Variants in UNC13C observed in about 807,000 individuals in gnomAD.
UNC13C encodes protein unc-13 homolog C.
In UNC13C, 174 loss-of-function variants were observed where a neutral mutation model predicts 245.4. That is an observed-to-expected ratio of 0.71 (90% CI 0.63 to 0.80). The LOEUF is 0.80. Among genes scored for constraint, UNC13C ranks in the 30% least tolerant of loss-of-function variants. UNC13C has a pLI of 0.00. For missense variants in UNC13C, 2,829 were observed against 2,602.9 expected, an observed-to-expected ratio of 1.09 and a Z score of -1.89; for synonymous variants, 992 against 895.1, an observed-to-expected ratio of 1.11 and a Z score of -1.93.
chr15:54,532,971 A>T lies in UNC13C; in HGVS notation c.5601A>T (p.Gln1867His). The T allele has an allele frequency of 6.3e-7, 1 of 1,596,618 alleles. No homozygotes were observed. Among genetic ancestry groups the T allele is most frequent in the East Asian group, 2.2e-5 (1 of 44,458 alleles). Residue 1867 changes from glutamine (Q) to histidine (H), a missense_variant, in exon 26 of 33, where the codon CAA becomes CAT. Gln to His is a conservative substitution (Grantham distance 24). Transcript: ENST00000260323. ...AACAGATGAGTTTCGAACTAAATCAAATGAGAGCAAATGGAAACACCACAT... is the reference window on the plus strand; with the variant it reads ...AACAGATGAGTTTCGAACTAAATCATATGAGAGCAAATGGAAACACCACAT... Reference protein sequence around the residue: ...CIKQMSFELNQMRANGNTTSN... With the variant: ...CIKQMSFELNHMRANGNTTSN...
chr15:54,323,978 C>T (rs968089205), intron 14 of UNC13C, among the ~76,000 whole-genome samples: 1 of 151,946 alleles, frequency 6.6e-6, no homozygotes, highest in Non-Finnish European at 1.5e-5. Flanking sequence ...TTCATGTTGA[C>T]CCAAAGAAGA....
At chr15:54,203,839 T>TACATATACACAG (rs1287559062) in intron 4 of UNC13C, among the ~76,000 whole-genome samples, 4 of 149,716 alleles carry the variant, frequency 2.7e-5, no homozygotes, top group Non-Finnish European at 3.0e-5. Flanking sequence ...TATATACACA[T>TACATATACACAG]ACATATACAC....
chr15:54,251,032 AT>A (rs1386475858), intron 8 of UNC13C, among the ~76,000 whole-genome samples: 1 of 151,480 alleles, frequency 6.6e-6, no homozygotes, highest in Non-Finnish European at 1.5e-5. Flanking sequence ...TTGGGATTAC[AT>A]AGGCGTGAGC....
chr15:54,449,606 G>T (rs1891052003), intron 19 of UNC13C, among the ~76,000 whole-genome samples: 2 of 152,190 alleles, frequency 1.3e-5, no homozygotes, highest in Admixed American at 6.5e-5. Flanking sequence ...TAGTTCTCGA[G>T]CCATGGTTTT....
chr15:54,619,733 A>G (rs1267920373), intron 30 of UNC13C, among the ~76,000 whole-genome samples: 1 of 152,162 alleles, frequency 6.6e-6, no homozygotes, highest in African/African-American at 2.4e-5. Context: ...AGCCTATTTA[A>G]TCAACAAATA....
At chr15:54,114,644 C>G (rs2030095929) in intron 2 of UNC13C, among the ~76,000 whole-genome samples, 1 of 152,080 alleles carries the variant, frequency 6.6e-6, no homozygotes, top group African/African-American at 2.4e-5. Flanking sequence ...GCAAATAATG[C>G]AGTAAACATA....
At chr15:53,859,289 CT>C in the UNC13C span, among the ~76,000 whole-genome samples, 1 of 151,984 alleles carries the variant, frequency 6.6e-6, no homozygotes. Context: ...TCTTTTCAAA[CT>C]TTTTTCTTTG....
chr15:54,248,728 G>C (rs2036063668), intron 7 of UNC13C, among the ~76,000 whole-genome samples: 1 of 152,184 alleles, frequency 6.6e-6, no homozygotes, highest in South Asian at 2.1e-4. Flanking sequence ...CTCACTTGAA[G>C]TATAAAGAGC....
At chr15:54,200,922 G>A (rs184459939) in intron 4 of UNC13C, among the ~76,000 whole-genome samples, 11 of 152,120 alleles carry the variant, frequency 7.2e-5, no homozygotes, top group Admixed American at 7.2e-4. Context: ...TTAACTGTTA[G>A]TGAGATTAAC....
chr15:54,244,018 T>A (rs1005632240), intron 7 of UNC13C, among the ~76,000 whole-genome samples: 1 of 152,222 alleles, frequency 6.6e-6, no homozygotes, highest in Non-Finnish European at 1.5e-5. Flanking sequence ...TTTGTTGCAA[T>A]TGCTTTTGGC....
chr15:54,158,611 G>A (rs999754288), intron 4 of UNC13C, among the ~76,000 whole-genome samples: 11 of 151,998 alleles, frequency 7.2e-5, no homozygotes, highest in South Asian at 2.1e-4. Context: ...GAGCCACTGC[G>A]CTTGGCCTAC....
the UNC13C span, among the ~76,000 whole-genome samples, chr15:53,843,539 G>T: frequency 6.6e-6 from 1 of 151,864 alleles, no homozygotes; most frequent in East Asian, 1.9e-4. Context: ...TTTTTTATAA[G>T]CAATTAATCA....
At chr15:53,893,693 C>T in the UNC13C span, among the ~76,000 whole-genome samples, 10 of 151,888 alleles carry the variant, frequency 6.6e-5, no homozygotes, top group Middle Eastern at 3.4e-3. Context: ...AGTGGATGTC[C>T]CTCCCCCCAC....
chr15:54,555,539 C>T (rs1375518051), intron 29 of UNC13C, 27 bp downstream of exon 29: 2 of 1,566,530 alleles, frequency 1.3e-6, no homozygotes, highest in Admixed American at 3.5e-5. Context: ...CCTATATATA[C>T]ATCGAGAGAG....
At position 54,336,527 on chromosome 15, in the gene UNC13C, A is replaced by G. The variant is rs545130822; in HGVS notation, c.4585-1834A>G. 5.5e-4 allele frequency among the ~76,000 whole-genome samples: 83 copies of G among 152,014 alleles called. No homozygotes were observed. In the South Asian group the frequency reaches 0.017, roughly 31 times the overall value. On this transcript the variant is annotated intron_variant, in intron 16 of 32. Coordinates refer to ENST00000260323, the MANE Select transcript of UNC13C (RefSeq NM_001080534.3). ...TAATTATGGATAATGCTCTTGGTTA[A>G]ACCAACATCACAAAGAGGTTTTTTT...
At chr15:53,981,792 C>T (rs1203156128) in intron 1 of UNC13C, among the ~76,000 whole-genome samples, 2 of 152,096 alleles carry the variant, frequency 1.3e-5, no homozygotes, top group Non-Finnish European at 2.9e-5. Context: ...ATTCTAACCT[C>T]TAGGTCAAAA....
chr15:54,376,157 AT>A (rs1261072440), intron 17 of UNC13C, among the ~76,000 whole-genome samples: 2 of 152,120 alleles, frequency 1.3e-5, no homozygotes, highest in African/African-American at 4.8e-5. Context: ...TTTCAAATAA[AT>A]TTTTAACTTT....
At chr15:54,394,630 T>A (rs1309629914) in intron 18 of UNC13C, among the ~76,000 whole-genome samples, 4 of 151,866 alleles carry the variant, frequency 2.6e-5, no homozygotes, top group African/African-American at 9.7e-5. Context: ...TGGACTGGGA[T>A]AGGCCATTTT....
chr15:53,998,355 C>T (rs747570621), intron 1 of UNC13C, among the ~76,000 whole-genome samples: 18 of 151,874 alleles, frequency 1.2e-4, no homozygotes, highest in Non-Finnish European at 2.2e-4. Context: ...GAAAATATGT[C>T]AGTAAATTTT....
Sources: gnomAD v4.1 joint callset for allele counts (sites outside exome capture counted in the v4.1 genomes callset) on GRCh38, gnomAD v4.1.1 for gene constraint, MANE v1.5 for transcripts, NCBI Gene and HGNC (gene_info 2026-07-23, HGNC 2026-07-21) for gene names.